NSUN7: variants seen among roughly 807,000 people sequenced by gnomAD.
The protein encoded by NSUN7 is protein NSUN7.
In NSUN7, 39 loss-of-function variants were observed where a neutral mutation model predicts 58.5. The ratio of observed to expected loss-of-function variants is 0.67; its 90% CI spans 0.52 to 0.87. The LOEUF (loss-of-function observed/expected upper bound fraction) is 0.87, where lower values mean the gene tolerates loss of function less well. NSUN7 is among the 40% of genes least tolerant of loss of function. The pLI, the probability that NSUN7 is intolerant of heterozygous loss-of-function variation, is 0.00. For synonymous variants in NSUN7, 278 were observed against 303.7 expected (o/e 0.92, Z 0.88); for missense variants, 765 against 844.1 (o/e 0.91, Z 1.16).
rs184478751 is a variant in NSUN7, at chr4:40,776,315, G to A, written c.1036+56G>A. ...TATTGTTCTGCAAGATTTTAGAAACGTTAAAAAGTTTTAATTTATTAGTTT... is the reference window on the plus strand; with the variant it reads ...TATTGTTCTGCAAGATTTTAGAAACATTAAAAAGTTTTAATTTATTAGTTT... On this transcript the variant is annotated intron_variant, in intron 7 of 11. Coordinates refer to ENST00000381782, the MANE Select transcript of NSUN7 (RefSeq NM_024677.6). 9.8e-4 allele frequency: 1,206 copies of A among 1,236,616 alleles called. 9 individuals are homozygous for A. In the African/African-American group the frequency reaches 0.016, roughly 16 times the overall value. The allele number at this position is 1,236,616 out of a possible 1,614,324, so 76.6% of individuals were successfully genotyped here.
At chr4:40,784,321 A>G (rs1469547928) in intron 7 of NSUN7, among the ~76,000 whole-genome samples, 2 of 152,240 alleles carry the variant, frequency 1.3e-5, no homozygotes, top group African/African-American at 2.4e-5. Context: ...AAGCTTGTAC[A>G]TGAAAGTTCA....
At chr4:40,770,012 C>A (rs549935701) in intron 4 of NSUN7, among the ~76,000 whole-genome samples, 103 of 151,906 alleles carry the variant, frequency 6.8e-4, no homozygotes, top group African/African-American at 2.4e-3. Context: ...GAGTTCGAGA[C>A]CAGCCTGGAC....
chr4:40,761,166 G>A lies in NSUN7; in HGVS notation c.358-5G>A. On this transcript the variant is annotated splice_polypyrimidine_tract_variant and splice_region_variant and intron_variant, in intron 3 of 11. Coordinates refer to ENST00000381782, the MANE Select transcript of NSUN7 (RefSeq NM_024677.6). ...CTTTTCTTTATATATGTTTTCCCTT[G>A]TTAGCCAGATCATTTGAGCAGTCTT... 1 of 1,574,300 alleles carries A rather than the reference G, an allele frequency of 6.4e-7. No individual in the cohort carries two copies. Among genetic ancestry groups the A allele is most frequent in the Non-Finnish European group, 8.6e-7 (1 of 1,165,856 alleles).
chr4:40,800,799 GATTT>G (rs1187989117), intron 10 of NSUN7, among the ~76,000 whole-genome samples: 1 of 152,120 alleles, frequency 6.6e-6, no homozygotes, highest in Non-Finnish European at 1.5e-5. Flanking sequence ...TGGACCTGCA[GATTT>G]ATTTATCTTA....
intron 5 of NSUN7, 37 bp from the exon 6 acceptor site, chr4:40,774,730 A>G: frequency 7.8e-7 from 1 of 1,283,392 alleles, no homozygotes; most frequent in Non-Finnish European, 1.1e-6. Context: ...TTAATGTATT[A>G]TATTTGTAAT....
chr4:40,797,327 C>G (rs1381084801), intron 9 of NSUN7, among the ~76,000 whole-genome samples: 1 of 152,128 alleles, frequency 6.6e-6, no homozygotes, highest in Non-Finnish European at 1.5e-5. Flanking sequence ...ATCTGTATTT[C>G]CAGTCTAAAC....
At chr4:40,766,200 A>G (rs1356925748) in intron 4 of NSUN7, among the ~76,000 whole-genome samples, 2 of 152,000 alleles carry the variant, frequency 1.3e-5, no homozygotes, top group African/African-American at 2.4e-5. Context: ...CCCATTCAGT[A>G]TGATATTGGC....
chr4:40,777,638 A>T (rs752443596), intron 7 of NSUN7, among the ~76,000 whole-genome samples: 1 of 152,216 alleles, frequency 6.6e-6, no homozygotes, highest in Non-Finnish European at 1.5e-5. Flanking sequence ...ATTTTTTCTA[A>T]TGCAATATCT....
intron 7 of NSUN7, among the ~76,000 whole-genome samples, chr4:40,778,799 A>G (rs1338050428): frequency 6.6e-6 from 1 of 152,210 alleles, no homozygotes; most frequent in Admixed American, 6.5e-5. Context: ...TACATATACC[A>G]TCAATGGAAT....
chr4:40,807,244 A>T (rs569787038), intron 11 of NSUN7, 60 bp downstream of exon 11: 90 of 1,456,544 alleles, frequency 6.2e-5, no homozygotes, highest in Non-Finnish European at 8.1e-5. Flanking sequence ...ACAAAGCCTC[A>T]TAAGAGGAAG....
rs1744025677 is a variant in NSUN7 at position 40,808,947 on chromosome 4, G to C, written c.*8G>C. 6.6e-7 allele frequency: 1 copy of C among 1,504,360 alleles called. No individual in the cohort carries two copies. Among genetic ancestry groups the C allele is most frequent in the Non-Finnish European group, 8.9e-7 (1 of 1,129,018 alleles). The allele number at this position is 1,504,360 out of a possible 1,614,324, so 93.2% of individuals were successfully genotyped here. A position where few individuals can be genotyped will look rare whatever the true frequency, so the allele number is the denominator to read the frequency against. On this transcript the variant is annotated 3_prime_UTR_variant, in exon 12 of 12. Coordinates refer to ENST00000381782, the MANE Select transcript of NSUN7 (RefSeq NM_024677.6). The stretch of plus-strand genomic sequence containing the variant: ...CCTCGGCGATGGCTTTGATTGTCTT[G>C]TGTTTTTTATAGGGGCCAAAGAGCA...
At chr4:40,793,298 C>T (rs536334251) in intron 8 of NSUN7, among the ~76,000 whole-genome samples, 1 of 152,052 alleles carries the variant, frequency 6.6e-6, no homozygotes, top group Non-Finnish European at 1.5e-5. Flanking sequence ...AAAAATTAGC[C>T]GGGCATCATG....
intron 7 of NSUN7, among the ~76,000 whole-genome samples, chr4:40,790,025 A>G (rs1743005487): frequency 6.7e-6 from 1 of 149,856 alleles, no homozygotes; most frequent in Non-Finnish European, 1.5e-5. Flanking sequence ...TGTACCTTGG[A>G]CTGGAAACTT....
rs1269368806 is a variant in NSUN7 at position 40,757,586 on chromosome 4, TAC to T, written c.299-2844_299-2843del. Among the ~76,000 whole-genome samples the T allele has an allele frequency of 2.7e-5, 4 of 146,080 alleles. No homozygotes were observed. The East Asian group carries it at 7.8e-4, about 29-fold the overall frequency. On this transcript the variant is annotated intron_variant, in intron 2 of 11. Transcript: ENST00000381782. ...TATATATATAAATTGCATATATATA[TAC>T]ACATTGTGTGTATATATATACATTG...
rs1269946852 is a variant in NSUN7 at position 40,794,451 on chromosome 4, T to C, written c.1257T>C (p.Tyr419=). 1.2e-6 allele frequency: 2 copies of C among 1,609,992 alleles called. 1 individual carries two copies. Among genetic ancestry groups the C allele is most frequent in the South Asian group, 2.2e-5 (2 of 90,928 alleles). Residue 419 remains tyrosine (Y), a synonymous_variant, in exon 9 of 12, where the codon TAT becomes TAC. Transcript: ENST00000381782. ...DKLHVLAQQQ[Y]EQLTHAMKFT... ...TTCACGTTCTTGCTCAACAGCAGTA[T>C]GAACAGCTAACACATGCAATGAAAT...
chr4:40,758,217 G>C (rs931030007), intron 2 of NSUN7, among the ~76,000 whole-genome samples: 1 of 152,036 alleles, frequency 6.6e-6, no homozygotes, highest in East Asian at 1.9e-4. Context: ...ACCACACCCG[G>C]CCAGCTTTTT....
chr4:40,754,293 C>T (rs1741014623), intron 2 of NSUN7, among the ~76,000 whole-genome samples: 1 of 151,910 alleles, frequency 6.6e-6, no homozygotes, highest in South Asian at 2.1e-4. Flanking sequence ...ATTACAGGCA[C>T]CTGCCACCAT....
intron 7 of NSUN7, among the ~76,000 whole-genome samples, chr4:40,785,045 G>A (rs1185223100): frequency 6.6e-6 from 1 of 152,108 alleles, no homozygotes; most frequent in Non-Finnish European, 1.5e-5. Context: ...AGTTGTTGTT[G>A]TTGTTGTTTT....
At chr4:40,788,159 A>C (rs561797532) in intron 7 of NSUN7, among the ~76,000 whole-genome samples, 1 of 152,316 alleles carries the variant, frequency 6.6e-6, no homozygotes, top group South Asian at 2.1e-4. Context: ...GAGATGGGAA[A>C]GACTGTGGTA....
Sources: gnomAD v4.1 joint callset for allele counts (sites outside exome capture counted in the v4.1 genomes callset) on GRCh38, gnomAD v4.1.1 for gene constraint, MANE v1.5 for transcripts, NCBI Gene and HGNC (gene_info 2026-07-23, HGNC 2026-07-21) for gene names.